KIF6: variants seen among roughly 807,000 people sequenced by gnomAD.
KIF6 encodes the protein kinesin family member 6.
Under a neutral mutation model 112.7 loss-of-function variants are expected in KIF6, and 106 were observed. The observed-to-expected ratio is 0.94, with a 90% confidence interval of 0.80 to 1.11. The LOEUF (loss-of-function observed/expected upper bound fraction) is 1.11, where lower values mean the gene tolerates loss of function less well. KIF6 is among the 50% of genes least tolerant of loss of function. The pLI, the probability that KIF6 is intolerant of heterozygous loss-of-function variation, is 0.00. For synonymous variants in KIF6, 339 were observed against 339.9 expected (o/e 1.00, Z 0.03); for missense variants, 929 against 964.0 (o/e 0.96, Z 0.48).
intron 13 of KIF6, among the ~76,000 whole-genome samples, chr6:39,466,280 C>G (rs1347998142): frequency 1.3e-5 from 2 of 152,178 alleles, no homozygotes; most frequent in Non-Finnish European, 2.9e-5. Flanking sequence ...ACACCGGCTG[C>G]CAGGATTCTT....
At chr6:39,574,005 A>G (rs1405713497) in intron 10 of KIF6, among the ~76,000 whole-genome samples, 2 of 152,228 alleles carry the variant, frequency 1.3e-5, no homozygotes, top group Non-Finnish European at 2.9e-5. Flanking sequence ...CATACTGTCT[A>G]TAGGATCTGT....
At chr6:39,355,118 C>T (rs1203048511) in intron 19 of KIF6, among the ~76,000 whole-genome samples, 1 of 151,904 alleles carries the variant, frequency 6.6e-6, no homozygotes, top group Admixed American at 6.6e-5. Context: ...CCCAGGAGGT[C>T]GAGGCTGCAG....
intron 13 of KIF6, among the ~76,000 whole-genome samples, chr6:39,515,737 C>T (rs1317558152): frequency 6.6e-6 from 1 of 152,202 alleles, no homozygotes; most frequent in African/African-American, 2.4e-5. Flanking sequence ...TCCCTTTCCC[C>T]TGCTGACTGA....
intron 15 of KIF6, among the ~76,000 whole-genome samples, chr6:39,390,167 T>C (rs905544553): frequency 6.6e-6 from 1 of 151,440 alleles, no homozygotes; most frequent in African/African-American, 2.4e-5. Flanking sequence ...ATTTGAAAAA[T>C]GGAAAAATAT....
chr6:39,348,903 G>C (rs1215328034), intron 19 of KIF6, among the ~76,000 whole-genome samples: 1 of 152,190 alleles, frequency 6.6e-6, no homozygotes, highest in African/African-American at 2.4e-5. Context: ...TCACCCTGGC[G>C]GCTCTGACCG....
At chr6:39,364,225 G>A (rs986085030) in intron 16 of KIF6, among the ~76,000 whole-genome samples, 4 of 151,860 alleles carry the variant, frequency 2.6e-5, no homozygotes, top group African/African-American at 9.7e-5. Context: ...CTGAGTAGCT[G>A]GGATGTAGTC....
rs530855306 is a variant in KIF6, at chr6:39,342,185, C to T, written c.2428+1524G>A. Among the ~76,000 whole-genome samples the T allele has an allele frequency of 1.2e-3, 183 of 152,324 alleles. 1 individual carries two copies. The highest frequency in any genetic ancestry group is 4.3e-3 in the African/African-American group (179 of 41,564). On this transcript the variant is annotated intron_variant, in intron 22 of 22. Transcript: ENST00000287152. The surrounding 1 kb of genome is among the most constrained non-coding windows in gnomAD (Gnocchi z 4.7). ...CTGCTAGGACTGTGCATTCCCAGAACGCGGCGTAGCTGCTCCATTCTCATG... is the reference window on the plus strand; with the variant it reads ...CTGCTAGGACTGTGCATTCCCAGAATGCGGCGTAGCTGCTCCATTCTCATG...
chr6:39,362,499 G>T lies in KIF6; in HGVS notation c.1881C>A (p.Ala627=). 1.2e-6 allele frequency: 2 copies of T among 1,613,868 alleles called. No individual in the cohort carries two copies. The highest frequency in any genetic ancestry group is 1.7e-6 in the Non-Finnish European group (2 of 1,179,746). Residue 627 remains alanine, a synonymous_variant, in exon 17 of 23, where the codon GCC becomes GCA. Coordinates refer to ENST00000287152, the MANE Select transcript of KIF6 (RefSeq NM_145027.6). ...CCTGCTGGTCTGGCATCAGAGGCAC[G>T]GCCATGTTTTCCGAGATTCCTGTAG... ...QVALGISENM[A]VPLMPDQQEE...
chr6:39,362,570 A>G (rs1765246210), intron 16 of KIF6, 52 bp from the exon 17 acceptor site: 4 of 1,337,164 alleles, frequency 3.0e-6, no homozygotes, highest in Non-Finnish European at 4.3e-6. Flanking sequence ...TAAAAGGAAG[A>G]GTGTGATATT....
At chr6:39,651,768 G>A (rs759025426) in intron 3 of KIF6, among the ~76,000 whole-genome samples, 5 of 152,140 alleles carry the variant, frequency 3.3e-5, no homozygotes, top group Non-Finnish European at 7.3e-5. Context: ...GCATAGAAAG[G>A]TAAATAAAAA....
intron 13 of KIF6, among the ~76,000 whole-genome samples, chr6:39,537,256 G>C (rs1778494387): frequency 6.6e-6 from 1 of 152,140 alleles, no homozygotes; most frequent in African/African-American, 2.4e-5. Flanking sequence ...TACTCAATTA[G>C]GAAAAGAGGA....
At chr6:39,448,265 C>G (rs1772455732) in intron 13 of KIF6, among the ~76,000 whole-genome samples, 1 of 152,090 alleles carries the variant, frequency 6.6e-6, no homozygotes, top group South Asian at 2.1e-4. Flanking sequence ...ACCTCCTTCT[C>G]CTGGGTTCAA....
chr6:39,576,280 A>G (rs1423902192), intron 10 of KIF6, among the ~76,000 whole-genome samples: 1 of 151,816 alleles, frequency 6.6e-6, no homozygotes, highest in Non-Finnish European at 1.5e-5. Context: ...ATGCACCACC[A>G]CACCCGGCTA....
At chr6:39,354,505 T>C (rs554412270) in intron 19 of KIF6, among the ~76,000 whole-genome samples, 2 of 152,340 alleles carry the variant, frequency 1.3e-5, no homozygotes, top group Non-Finnish European at 2.9e-5. Context: ...CACACAATGA[T>C]GTAGGAACTA....
chr6:39,701,812 G>C (rs1788894859), intron 3 of KIF6, among the ~76,000 whole-genome samples: 1 of 152,194 alleles, frequency 6.6e-6, no homozygotes, highest in Non-Finnish European at 1.5e-5. Flanking sequence ...TCACACTAGA[G>C]ACTAGGCTCA....
chr6:39,597,058 A>C (rs1020883487), intron 6 of KIF6, among the ~76,000 whole-genome samples: 7 of 152,170 alleles, frequency 4.6e-5, no homozygotes, highest in African/African-American at 1.7e-4. Flanking sequence ...TAAAGGACAA[A>C]GAGAACTGGA....
chr6:39,582,879 A>G (rs972684364), intron 9 of KIF6, among the ~76,000 whole-genome samples: 1 of 152,244 alleles, frequency 6.6e-6, no homozygotes, highest in Admixed American at 6.5e-5. Context: ...GACAAGCTCT[A>G]TACATAAAAT....
chr6:39,638,905 G>C (rs1784763905), intron 4 of KIF6, among the ~76,000 whole-genome samples: 3 of 152,034 alleles, frequency 2.0e-5, no homozygotes, highest in Admixed American at 2.0e-4. Flanking sequence ...CCGAGGTATA[G>C]AAGCAATATA....
At chr6:39,562,311 A>G (rs1428625213) in intron 10 of KIF6, among the ~76,000 whole-genome samples, 7 of 152,222 alleles carry the variant, frequency 4.6e-5, no homozygotes, top group African/African-American at 1.7e-4. Context: ...TAGTAGAAGC[A>G]AGTCTTTAGA....
Sources: gnomAD v4.1 joint callset for allele counts (sites outside exome capture counted in the v4.1 genomes callset) on GRCh38, gnomAD v4.1.1 for gene constraint, Gnocchi (gnomAD v3.1) non-coding constraint, MANE v1.5 for transcripts, NCBI Gene and HGNC (gene_info 2026-07-23, HGNC 2026-07-21) for gene names.